Variants in ZFR observed in about 807,000 individuals in gnomAD.
The protein encoded by ZFR is zinc finger RNA-binding protein.
In ZFR, 19 loss-of-function variants were observed where a neutral mutation model predicts 130.7. The observed-to-expected ratio is 0.15, with a 90% CI of 0.10 to 0.21. ZFR has a LOEUF of 0.21. Ranked by LOEUF, ZFR falls within the 10% of genes least tolerant of loss-of-function variation. The pLI is 1.00. For synonymous variants in ZFR, 466 were observed against 456.9 expected, an observed-to-expected ratio of 1.02 and a Z score of -0.25; for missense variants, 872 against 1,321.5, an observed-to-expected ratio of 0.66 and a Z score of 5.27.
At chr5:32,418,803 A>G (rs1185873449) in intron 3 of ZFR, among the ~76,000 whole-genome samples, 11 of 152,232 alleles carry the variant, frequency 7.2e-5, no homozygotes, top group Non-Finnish European at 1.5e-5. Flanking sequence ...CAGAAGGACC[A>G]AAGTTTAAAA....
At chr5:32,415,532 G>GTGCGCGCGCA (rs1438958640) in intron 4 of ZFR, among the ~76,000 whole-genome samples, 3 of 150,904 alleles carry the variant, frequency 2.0e-5, no homozygotes, top group Middle Eastern at 6.9e-3. Context: ...GCGCGCGCGC[G>GTGCGCGCGCA]CACTAGTCAG....
At chr5:32,419,478 C>T (rs796792919) in intron 3 of ZFR, among the ~76,000 whole-genome samples, 6 of 152,250 alleles carry the variant, frequency 3.9e-5, no homozygotes, top group African/African-American at 1.2e-4. Context: ...GCTGGGACTA[C>T]AGGTGCGCAC....
chr5:32,355,169 G>A lies in ZFR; in HGVS notation c.*591C>T, dbSNP rs1203205445. The A allele has an allele frequency of 2.6e-5, 4 of 152,098 alleles. No individual in the cohort carries two copies. Among genetic ancestry groups the A allele is most frequent in the Non-Finnish European group, 4.4e-5 (3 of 68,010 alleles). 9.4% of individuals were successfully genotyped at this position (152,098 alleles called of 1,614,324 possible). On this transcript the variant is annotated 3_prime_UTR_variant, in exon 20 of 20. Transcript: ENST00000265069. Reference sequence around the variant, plus strand: ...TTTATATATCACACTAGAGACAAATGCCACAAGATCTGCAGAAACATTCAG... The same window carrying A: ...TTTATATATCACACTAGAGACAAATACCACAAGATCTGCAGAAACATTCAG...
intron 17 of ZFR, among the ~76,000 whole-genome samples, chr5:32,366,396 T>C (rs1001141454): frequency 3.3e-5 from 5 of 152,340 alleles, no homozygotes; most frequent in Middle Eastern, 3.4e-3. Context: ...CAAAGCTTTT[T>C]CAAAATCTGT....
intron 4 of ZFR, 135 bp from the exon 5 acceptor site, chr5:32,415,322 G>A (rs1753795538): frequency 1.4e-6 from 1 of 692,616 alleles, no homozygotes; most frequent in Non-Finnish European, 2.4e-6. Flanking sequence ...TTTCTCCTTA[G>A]CAAAAGGCAT....
chr5:32,395,711 G>A (rs1251747410), intron 10 of ZFR, among the ~76,000 whole-genome samples: 1 of 152,102 alleles, frequency 6.6e-6, no homozygotes, highest in East Asian at 1.9e-4. Context: ...TCAACTTGAA[G>A]ATGATGAGGA....
intron 15 of ZFR, among the ~76,000 whole-genome samples, chr5:32,381,486 T>C (rs1752936304): frequency 6.6e-6 from 1 of 152,062 alleles, no homozygotes; most frequent in South Asian, 2.1e-4. Flanking sequence ...TTATGGGGCA[T>C]TTAGAATACA....
At chr5:32,370,454 C>T (rs1453487714) in intron 17 of ZFR, among the ~76,000 whole-genome samples, 1 of 151,936 alleles carries the variant, frequency 6.6e-6, no homozygotes, top group East Asian at 1.9e-4. Context: ...CTCACTGCAG[C>T]CTCAACCTCC....
At chr5:32,422,972 T>C (rs1426666836) in intron 2 of ZFR, among the ~76,000 whole-genome samples, 2 of 151,816 alleles carry the variant, frequency 1.3e-5, no homozygotes, top group Admixed American at 1.3e-4. Context: ...TACCTACTTA[T>C]CAACAACAAC....
intron 19 of ZFR, among the ~76,000 whole-genome samples, chr5:32,359,867 T>C (rs940188076): frequency 1.3e-5 from 2 of 151,626 alleles, no homozygotes; most frequent in Non-Finnish European, 2.9e-5. Context: ...GGAAAATCGC[T>C]TGAACTCAGG....
chr5:32,363,874 C>T, intron 19 of ZFR, 74 bp downstream of exon 19: 1 of 1,250,190 alleles, frequency 8.0e-7, no homozygotes, highest in Middle Eastern at 2.4e-4. Flanking sequence ...TATAATATTC[C>T]TTAAGACAAT....
rs769808154 is a variant in ZFR at position 32,355,826 on chromosome 5, A to C, written c.3159T>G (p.Asp1053Glu). The C allele has an allele frequency of 3.7e-6, 6 of 1,610,214 alleles. No individual in the cohort carries two copies. The highest frequency in any genetic ancestry group is 2.2e-5 in the South Asian group (2 of 90,578). ...NIHNNRKRRRDSDGVDGFEAE... is the reference protein window; with the variant it reads ...NIHNNRKRRRESDGVDGFEAE... ...CTTCAAATCCATCAACTCCATCACTATCTCTTCTTCGTTTCCTGTTGTTGT... is the reference window on the plus strand; with the variant it reads ...CTTCAAATCCATCAACTCCATCACTCTCTCTTCTTCGTTTCCTGTTGTTGT... Residue 1053 changes from aspartate to glutamate, a missense_variant, in exon 20 of 20, where the codon GAT (aspartate) becomes GAG (glutamate). Coordinates refer to ENST00000265069, the MANE Select transcript of ZFR (RefSeq NM_016107.5).
intron 17 of ZFR, among the ~76,000 whole-genome samples, chr5:32,376,969 T>TAA (rs1752827617): frequency 2.1e-4 from 3 of 14,074 alleles, no homozygotes; most frequent in African/African-American, 6.5e-4. Context: ...ACAAGCTGTC[T>TAA]GAAAAAAAAC....
chr5:32,398,573 C>CT (rs1753371130), intron 9 of ZFR, among the ~76,000 whole-genome samples: 3 of 152,316 alleles, frequency 2.0e-5, no homozygotes, highest in Admixed American at 6.5e-5. Flanking sequence ...AATCTTACTC[C>CT]TTTAAGAGAT....
intron 2 of ZFR, among the ~76,000 whole-genome samples, chr5:32,421,438 G>C (rs966671165): frequency 6.6e-6 from 1 of 152,154 alleles, no homozygotes; most frequent in African/African-American, 2.4e-5. Flanking sequence ...ATTAAAATTT[G>C]GGGCTATCAT....
chr5:32,414,275 G>T (rs145605781), intron 5 of ZFR, among the ~76,000 whole-genome samples: 1 of 152,290 alleles, frequency 6.6e-6, no homozygotes, highest in Non-Finnish European at 1.5e-5. Context: ...AGAAATAAAA[G>T]AGTGTCATTC....
chr5:32,399,434 A>G (rs1361075193), intron 9 of ZFR, among the ~76,000 whole-genome samples: 1 of 152,224 alleles, frequency 6.6e-6, no homozygotes, highest in African/African-American at 2.4e-5. Flanking sequence ...TATATGCTCT[A>G]AAGTCAAAGT....
intron 2 of ZFR, among the ~76,000 whole-genome samples, chr5:32,432,654 G>A (rs1754250713): frequency 1.3e-5 from 2 of 151,846 alleles, no homozygotes; most frequent in African/African-American, 4.8e-5. Flanking sequence ...ATGTTGTAAT[G>A]TCATGCTCCC....
At chr5:32,370,310 GGAGAGAGAGAGAGAGAGA>G (rs769362722) in intron 17 of ZFR, among the ~76,000 whole-genome samples, 23 of 69,776 alleles carry the variant, frequency 3.3e-4, no homozygotes, top group Admixed American at 1.2e-3. Flanking sequence ...TGTTGTGGGG[GGAGAGAGAGAGAGAGAGA>G]GAGAGAGAGA....
Sources: gnomAD v4.1 joint callset for allele counts (sites outside exome capture counted in the v4.1 genomes callset) on GRCh38, gnomAD v4.1.1 for gene constraint, MANE v1.5 for transcripts, NCBI Gene and HGNC (gene_info 2026-07-23, HGNC 2026-07-21) for gene names.